The following DCAF1 variants were observed in gnomAD, a reference collection of about 807,000 sequenced individuals.
DCAF1 encodes the protein DDB1 and CUL4 associated factor 1.
DCAF1 carries 15 observed loss-of-function variants against 128.0 expected under a neutral mutation model. The observed-to-expected ratio is 0.12, with a 90% CI of 0.08 to 0.18. DCAF1 has a LOEUF of 0.18. DCAF1 is among the 10% of genes least tolerant of loss of function. The pLI is 1.00. For missense variants in DCAF1, 988 were observed against 1,649.5 expected, an observed-to-expected ratio of 0.60 and a Z score of 6.95; for synonymous variants, 610 against 603.0, an observed-to-expected ratio of 1.01 and a Z score of -0.17.
chr3:51,401,717 T>C (rs1369744540), intron 24 of DCAF1, among the ~76,000 whole-genome samples: 1 of 152,232 alleles, frequency 6.6e-6, no homozygotes, highest in African/African-American at 2.4e-5. Flanking sequence ...TGCTCTCTTA[T>C]TTTGGGAGCA....
In DCAF1 at chr3:51,446,681, C is replaced by T. The variant is rs566654520; in HGVS notation, c.376-2778G>A. ...TTTAAAAATGAAAAAAAATACTGGC[C>T]GTGCACAGTGGCTCACACCTGTAAT... On this transcript the variant is annotated intron_variant, in intron 6 of 24. Transcript: ENST00000684031. 1.4e-3 allele frequency among the ~76,000 whole-genome samples: 205 copies of T among 151,562 alleles called. 1 individual carries two copies. The highest frequency in any genetic ancestry group is 2.5e-3 in the South Asian group (12 of 4,800).
chr3:51,416,232 A>C (rs1553630339), intron 18 of DCAF1, among the ~76,000 whole-genome samples: 1 of 151,488 alleles, frequency 6.6e-6, no homozygotes, highest in African/African-American at 2.4e-5. Context: ...CCCCTCACTG[A>C]CCTCAGCTCT....
intron 24 of DCAF1, among the ~76,000 whole-genome samples, 187 bp downstream of exon 24, chr3:51,402,956 G>A (rs1171362085): frequency 6.6e-6 from 1 of 152,162 alleles, no homozygotes; most frequent in African/African-American, 2.4e-5. Context: ...CATTTGGTTG[G>A]GTTCCACAGT....
intron 4 of DCAF1, among the ~76,000 whole-genome samples, chr3:51,467,898 G>A (rs549029182): frequency 2.6e-4 from 40 of 152,108 alleles, no homozygotes; most frequent in Non-Finnish European, 5.9e-4. Flanking sequence ...TGCTTCTATT[G>A]ATGGGTGGCC....
In DCAF1 at chr3:51,463,094, CT is replaced by C; in HGVS notation, c.375+19del. 1 of 1,507,248 alleles carries C rather than the reference CT, an allele frequency of 6.6e-7. No individual in the cohort carries two copies. Among genetic ancestry groups the C allele is most frequent in the Non-Finnish European group, 9.0e-7 (1 of 1,110,164 alleles). The allele number at this position is 1,507,248 out of a possible 1,614,324, so 93.4% of individuals were successfully genotyped here. On this transcript the variant is annotated intron_variant, in intron 6 of 24. Coordinates refer to ENST00000684031, the MANE Select transcript of DCAF1 (RefSeq NM_001387579.1). ...ATTCAATTACAAAATAAAATTATGA[CT>C]TTACTTTTCACTAAGTACCTTTTCT...
intron 2 of DCAF1, among the ~76,000 whole-genome samples, chr3:51,486,090 C>A (rs1577311538): frequency 6.6e-6 from 1 of 151,862 alleles, no homozygotes; most frequent in Admixed American, 6.6e-5. Flanking sequence ...CGGGCTTTCA[C>A]CGTGTTAGCC....
chr3:51,418,815 C>T lies in DCAF1; in HGVS notation c.3298G>A (p.Ala1100Thr). ...NEDESGFTCC[A>T]FSARERFLML... ...AGGAACCGCTCCCGTGCTGAGAATG[C>T]ACAGCAGGTGAAGCCACTCTCATCT... Residue 1100 changes from alanine (A) to threonine (T), a missense_variant, in exon 16 of 25, where the codon GCA (alanine) becomes ACA (threonine). Ala to Thr is a moderately conservative substitution (Grantham distance 58). Around this residue, in one of 11 missense-constraint regions of DCAF1, gnomAD observed 105 missense variants for 266.7 expected, o/e 0.39. Coordinates refer to ENST00000684031, the MANE Select transcript of DCAF1 (RefSeq NM_001387579.1). The T allele has an allele frequency of 6.2e-7, 1 of 1,613,848 alleles. No individual in the cohort carries two copies. Among genetic ancestry groups the T allele is most frequent in the Non-Finnish European group, 8.5e-7 (1 of 1,179,878 alleles).
At chr3:51,480,201 G>T (rs1413702358) in intron 3 of DCAF1, among the ~76,000 whole-genome samples, 3 of 151,356 alleles carry the variant, frequency 2.0e-5, no homozygotes, top group Non-Finnish European at 4.4e-5. Flanking sequence ...CATGATTCTT[G>T]AACTACTTCT....
At chr3:51,449,246 T>C (rs1263846391) in intron 6 of DCAF1, among the ~76,000 whole-genome samples, 3 of 152,304 alleles carry the variant, frequency 2.0e-5, no homozygotes, top group African/African-American at 7.2e-5. Context: ...TTGGTCTTGT[T>C]GCCCAGGCTG....
chr3:51,453,216 C>G (rs782066774), intron 6 of DCAF1, among the ~76,000 whole-genome samples: 1 of 152,066 alleles, frequency 6.6e-6, no homozygotes, highest in Non-Finnish European at 1.5e-5. Flanking sequence ...TTAATCACAA[C>G]GTTATTCTCT....
chr3:51,450,083 T>C (rs965251744), intron 6 of DCAF1, among the ~76,000 whole-genome samples: 2 of 152,226 alleles, frequency 1.3e-5, no homozygotes, highest in African/African-American at 4.8e-5. Flanking sequence ...TGGCGGCTTA[T>C]GCCTGTAAGC....
chr3:51,446,253 A>G (rs1701841198), intron 6 of DCAF1, among the ~76,000 whole-genome samples: 1 of 152,050 alleles, frequency 6.6e-6, no homozygotes, highest in South Asian at 2.1e-4. Context: ...CCTCCCACTC[A>G]GCTCCCAAAG....
chr3:51,498,593 A>C (rs1708502150), intron 1 of DCAF1, among the ~76,000 whole-genome samples: 2 of 152,044 alleles, frequency 1.3e-5, no homozygotes, highest in South Asian at 4.1e-4. Context: ...AAAAATAAAA[A>C]ATTTTAAAAC....
intron 24 of DCAF1, among the ~76,000 whole-genome samples, chr3:51,402,277 G>A (rs974972545): frequency 3.3e-5 from 5 of 152,158 alleles, no homozygotes; most frequent in African/African-American, 1.2e-4. Flanking sequence ...CCACAAGAGG[G>A]CCTGCATTTC....
At chr3:51,424,347 C>T (rs1332204811) in intron 13 of DCAF1, among the ~76,000 whole-genome samples, 1 of 151,456 alleles carries the variant, frequency 6.6e-6, no homozygotes, top group Non-Finnish European at 1.5e-5. Flanking sequence ...TTGCCATAAG[C>T]CGAGATTGCA....
At chr3:51,465,160 G>C (rs957742243) in intron 5 of DCAF1, among the ~76,000 whole-genome samples, 7 of 152,176 alleles carry the variant, frequency 4.6e-5, no homozygotes, top group Admixed American at 3.9e-4. Context: ...GACAAGAACA[G>C]AACTGGAGGG....
chr3:51,404,862 C>T (rs1419181380), intron 23 of DCAF1, among the ~76,000 whole-genome samples: 2 of 152,128 alleles, frequency 1.3e-5, no homozygotes, highest in African/African-American at 2.4e-5. Context: ...AGCATTCACC[C>T]GCCTCAAAGG....
intron 3 of DCAF1, among the ~76,000 whole-genome samples, chr3:51,471,272 C>T (rs1704714221): frequency 1.3e-5 from 2 of 151,286 alleles, no homozygotes; most frequent in East Asian, 2.0e-4. Flanking sequence ...CAAGCTCTAC[C>T]TCCTGGGTTC....
intron 24 of DCAF1, among the ~76,000 whole-genome samples, chr3:51,399,722 G>A (rs2089505322): frequency 6.6e-6 from 1 of 152,152 alleles, no homozygotes. Flanking sequence ...CTGAGTCAAA[G>A]AAAAGGAAAG....
Sources: allele counts gnomAD v4.1 joint callset (sites outside exome capture counted in the v4.1 genomes callset), GRCh38; gene constraint gnomAD v4.1.1; regional missense constraint gnomAD v4.1.1; transcripts MANE v1.5; gene names NCBI Gene and HGNC (gene_info 2026-07-23, HGNC 2026-07-21).